SPAG16: variants seen among roughly 807,000 people sequenced by gnomAD.
SPAG16 encodes sperm associated antigen 16, also known as sperm-associated antigen 16 protein.
A neutral mutation model predicts 80.4 loss-of-function variants in SPAG16; 86 were observed. That is an observed-to-expected ratio of 1.07 (90% CI 0.90 to 1.28). SPAG16 has a LOEUF of 1.28. SPAG16 is among the 50% of genes most tolerant of loss of function. SPAG16 has a pLI of 0.00. For synonymous variants in SPAG16, 294 were observed against 265.9 expected, an observed-to-expected ratio of 1.11 and a Z score of -1.03; for missense variants, 870 against 765.3, an observed-to-expected ratio of 1.14 and a Z score of -1.61.
intron 15 of SPAG16, among the ~76,000 whole-genome samples, chr2:214,300,285 G>A (rs1694453770): frequency 6.6e-6 from 1 of 151,976 alleles, no homozygotes; most frequent in South Asian, 2.1e-4. Flanking sequence ...AAAAGAAAAA[G>A]ATTTTCTCCC....
intron 10 of SPAG16, among the ~76,000 whole-genome samples, chr2:213,504,926 A>T (rs2074905852): frequency 6.6e-6 from 1 of 152,222 alleles, no homozygotes; most frequent in Admixed American, 6.5e-5. Context: ...TTGGCAAAAA[A>T]TTCATGCCCT....
intron 4 of SPAG16, among the ~76,000 whole-genome samples, chr2:213,311,994 C>A (rs896257699): frequency 1.3e-5 from 2 of 151,330 alleles, no homozygotes; most frequent in Non-Finnish European, 3.0e-5. Context: ...TCCTTTAAAT[C>A]GAGGGTTAGA....
At chr2:213,835,265 G>A (rs191953563) in intron 10 of SPAG16, among the ~76,000 whole-genome samples, 5 of 152,198 alleles carry the variant, frequency 3.3e-5, no homozygotes, top group East Asian at 1.9e-4. Context: ...ATCCATGTTC[G>A]TTATGCCATT....
At chr2:213,583,019 G>C (rs2060347099) in intron 10 of SPAG16, among the ~76,000 whole-genome samples, 1 of 152,070 alleles carries the variant, frequency 6.6e-6, no homozygotes, top group Non-Finnish European at 1.5e-5. Context: ...TTAAAGGTAA[G>C]TTAACAGCTA....
intron 10 of SPAG16, among the ~76,000 whole-genome samples, chr2:213,802,293 C>G (rs1387361012): frequency 6.6e-6 from 1 of 152,142 alleles, no homozygotes; most frequent in Non-Finnish European, 1.5e-5. Flanking sequence ...GTGTTAGAGA[C>G]TCATTGCCCT....
At chr2:213,652,439 T>G (rs2063057757) in intron 10 of SPAG16, among the ~76,000 whole-genome samples, 1 of 152,166 alleles carries the variant, frequency 6.6e-6, no homozygotes, top group Non-Finnish European at 1.5e-5. Context: ...TGAACATGCT[T>G]TAATACACAC....
At chr2:213,989,584 C>A (rs1484045751) in intron 12 of SPAG16, among the ~76,000 whole-genome samples, 1 of 152,000 alleles carries the variant, frequency 6.6e-6, no homozygotes, top group Non-Finnish European at 1.5e-5. Flanking sequence ...AGACCACAGC[C>A]AGGAACAGTC....
rs549522539 is a variant in SPAG16, at chr2:213,861,646, G to C, written c.1071-839G>C. 2.0e-4 allele frequency among the ~76,000 whole-genome samples: 31 copies of C among 152,280 alleles called. No individual in the cohort carries two copies. The South Asian group carries it at 6.4e-3, about 32-fold the overall frequency. ...CACATCTGTTCCCATTACATTGTAA[G>C]GCATAGATGAAACTTTATACAAATA... On this transcript the variant is annotated intron_variant, in intron 10 of 15. Transcript: ENST00000331683.
chr2:213,829,275 C>A (rs1251383569), intron 10 of SPAG16, among the ~76,000 whole-genome samples: 5 of 152,064 alleles, frequency 3.3e-5, no homozygotes, highest in African/African-American at 9.7e-5. Context: ...TGTCATCCAC[C>A]ACCAGCTCAG....
intron 11 of SPAG16, among the ~76,000 whole-genome samples, chr2:213,918,039 C>G (rs7426118): frequency 0.59 from 88,958 of 151,942 alleles, 27,839 homozygotes; most frequent in South Asian, 0.84. Flanking sequence ...TCTGGTTTTT[C>G]TTTTTAGTTC....
chr2:214,366,116 C>A (rs35440495), intron 15 of SPAG16, among the ~76,000 whole-genome samples: 82,644 of 151,666 alleles, frequency 0.54, 24,041 homozygotes, highest in South Asian at 0.67. Flanking sequence ...GTAGCTGGGA[C>A]TACAGGTATG....
intron 15 of SPAG16, among the ~76,000 whole-genome samples, chr2:214,352,605 T>TC (rs1698498903): frequency 7.8e-6 from 1 of 127,606 alleles, no homozygotes; most frequent in African/African-American, 2.8e-5. Flanking sequence ...CATTTTTTTT[T>TC]CATCTCTTCT....
chr2:213,702,453 C>A (rs747863852), intron 10 of SPAG16, among the ~76,000 whole-genome samples: 1 of 152,132 alleles, frequency 6.6e-6, no homozygotes, highest in Non-Finnish European at 1.5e-5. Context: ...CTTCTGAGGC[C>A]AGTGAGACCA....
In SPAG16 at chr2:213,534,159, T is replaced by C. The variant is rs987809954; in HGVS notation, c.1070+44069T>C. ...AAAAATAATATCCATTTGTGTTTTCTTATTGATTTATAAGTCATTTTTTCT... is the reference window on the plus strand; with the variant it reads ...AAAAATAATATCCATTTGTGTTTTCCTATTGATTTATAAGTCATTTTTTCT... On this transcript the variant is annotated intron_variant, in intron 10 of 15. Transcript: ENST00000331683. Among the ~76,000 whole-genome samples the C allele has an allele frequency of 5.3e-5, 8 of 152,286 alleles. No individual in the cohort carries two copies. In the East Asian group the frequency reaches 1.5e-3, roughly 29 times the overall value.
chr2:213,462,535 T>C (rs2072437578), intron 9 of SPAG16, among the ~76,000 whole-genome samples: 1 of 152,162 alleles, frequency 6.6e-6, no homozygotes, highest in Admixed American at 6.5e-5. Context: ...CCCCACATTT[T>C]GAGGGTGGAT....
chr2:213,968,871 A>G (rs1052078240), intron 12 of SPAG16, among the ~76,000 whole-genome samples: 6 of 152,210 alleles, frequency 3.9e-5, no homozygotes, highest in Admixed American at 3.3e-4. Flanking sequence ...CATAGCACAT[A>G]TATATTTAGT....
intron 10 of SPAG16, among the ~76,000 whole-genome samples, chr2:213,594,795 C>T (rs1322804002): frequency 1.3e-5 from 2 of 152,152 alleles, no homozygotes; most frequent in Non-Finnish European, 2.9e-5. Flanking sequence ...CAAACTTTTT[C>T]ATTCTTTTTA....
At chr2:214,319,165 T>C (rs1389319480) in intron 15 of SPAG16, among the ~76,000 whole-genome samples, 1 of 131,640 alleles carries the variant, frequency 7.6e-6, no homozygotes, top group East Asian at 2.2e-4. Context: ...CATTCTTTAT[T>C]CTTTCCTTTC....
At chr2:213,326,261 A>G (rs1181024560) in intron 5 of SPAG16, among the ~76,000 whole-genome samples, 2 of 152,046 alleles carry the variant, frequency 1.3e-5, no homozygotes, top group East Asian at 1.9e-4. Flanking sequence ...ATGGCAATTA[A>G]TATTGAGGAA....
Sources: gnomAD v4.1 joint callset for allele counts (sites outside exome capture counted in the v4.1 genomes callset) on GRCh38, gnomAD v4.1.1 for gene constraint, MANE v1.5 for transcripts, NCBI Gene and HGNC (gene_info 2026-07-23, HGNC 2026-07-21) for gene names.